S100A2: variants seen among roughly 807,000 people sequenced by gnomAD.
S100A2 encodes S100 calcium binding protein A2.
In S100A2, 5 loss-of-function variants were observed where a neutral mutation model predicts 4.3. The observed-to-expected ratio is 1.16, with a 90% CI of 0.61 to 2.44. The LOEUF is 2.44. Among genes scored for constraint, S100A2 ranks in the 30% most tolerant of loss-of-function variants. S100A2 has a pLI of 0.01. For missense variants in S100A2, 103 were observed against 114.7 expected (o/e 0.90, Z 0.47); for synonymous variants, 44 against 46.0 (o/e 0.96, Z 0.17).
At position 153,563,674 on chromosome 1, in the gene S100A2, G is replaced by A; in HGVS notation, c.144+60C>T. 12 of 1,592,632 alleles carry A rather than the reference G, an allele frequency of 7.5e-6. No homozygotes were observed. The South Asian group carries it at 8.0e-5, about 11-fold the overall frequency. ...GACAGGCACCCGGAACTGGGGGAGAGATTTAACCTGCACCCCCACACTCAC... is the reference window on the plus strand; with the variant it reads ...GACAGGCACCCGGAACTGGGGGAGAAATTTAACCTGCACCCCCACACTCAC... On this transcript the variant is annotated intron_variant, in intron 2 of 2. Coordinates refer to ENST00000368708, the MANE Select transcript of S100A2 (RefSeq NM_005978.4).
At chr1:153,561,919 G>A (rs994022697) in intron 2 of S100A2, among the ~76,000 whole-genome samples, 3 of 152,228 alleles carry the variant, frequency 2.0e-5, no homozygotes, top group East Asian at 1.9e-4. Context: ...TGAGGAAACC[G>A]AAGGTTGCTG....
intron 2 of S100A2, among the ~76,000 whole-genome samples, chr1:153,563,112 A>G (rs1461793321): frequency 6.9e-6 from 1 of 144,454 alleles, no homozygotes; most frequent in Non-Finnish European, 1.6e-5. Flanking sequence ...CGTCTCTACT[A>G]AAAATACAAA....
chr1:153,563,233 G>A (rs899635889), intron 2 of S100A2, among the ~76,000 whole-genome samples: 4 of 152,048 alleles, frequency 2.6e-5, no homozygotes, highest in African/African-American at 7.2e-5. Context: ...TTAGCTGGGC[G>A]TAGTGGGATG....
At chr1:153,563,921 A>G in intron 1 of S100A2, 34 bp from the exon 2 acceptor site, 2 of 1,599,662 alleles carry the variant, frequency 1.3e-6, no homozygotes, top group East Asian at 4.5e-5. Context: ...TACACTGCTG[A>G]GGCTCTTGGG....
At chr1:153,564,657 A>G (rs1182398533) in intron 1 of S100A2, among the ~76,000 whole-genome samples, 1 of 152,064 alleles carries the variant, frequency 6.6e-6, no homozygotes, top group South Asian at 2.1e-4. Context: ...TACTCAGACC[A>G]GCCTGGAAAG....
In S100A2 at chr1:153,563,827, G is replaced by C; in HGVS notation, c.51C>G (p.Phe17Leu). The change falls in exon 2 of 3, where the codon TTC becomes TTG. Residue 17 changes from phenylalanine to leucine, a missense_variant. Phe to Leu is a conservative substitution (Grantham distance 22). Transcript: ENST00000368708. ...EQALAVLVTTFHKYSCQEGDK... is the reference protein window; with the variant it reads ...EQALAVLVTTLHKYSCQEGDK... Reference sequence around the variant, plus strand: ...CGCCCTCTTGGCAGGAGTACTTGTGGAAGGTAGTGACCAGCACAGCCAGCG... The same window carrying C: ...CGCCCTCTTGGCAGGAGTACTTGTGCAAGGTAGTGACCAGCACAGCCAGCG... 2 of 1,614,212 alleles carry C rather than the reference G, an allele frequency of 1.2e-6. No individual in the cohort carries two copies. The highest frequency in any genetic ancestry group is 1.7e-6 in the Non-Finnish European group (2 of 1,180,016).
intron 1 of S100A2, among the ~76,000 whole-genome samples, chr1:153,564,620 A>G (rs1665968076): frequency 6.6e-6 from 1 of 152,170 alleles, no homozygotes; most frequent in African/African-American, 2.4e-5. Context: ...AGGATGGGAC[A>G]GACCTCAGCG....
intron 2 of S100A2, 116 bp from the exon 3 acceptor site, chr1:153,561,707 C>T: frequency 6.7e-7 from 1 of 1,484,510 alleles, no homozygotes; most frequent in South Asian, 1.1e-5. Flanking sequence ...CACTGGGCAG[C>T]TGGGTATAAG....
chr1:153,563,685 C>T, intron 2 of S100A2, 49 bp downstream of exon 2: 1 of 1,595,314 alleles, frequency 6.3e-7, no homozygotes, highest in Non-Finnish European at 8.6e-7. Context: ...ATTTAACCTG[C>T]ACCCCCACAC....
chr1:153,563,833 AGTGAC>A lies in S100A2; in HGVS notation c.40_44del (p.Val14TyrfsTer17). The A allele has an allele frequency of 6.2e-7, 1 of 1,614,190 alleles. No individual in the cohort carries two copies. Among genetic ancestry groups the A allele is most frequent in the Non-Finnish European group, 8.5e-7 (1 of 1,180,012 alleles). ...CTTGGCAGGAGTACTTGTGGAAGGT[AGTGAC>A]CAGCACAGCCAGCGCCTGCTCCAGA... On this transcript the variant is annotated frameshift_variant, in exon 2 of 3. Transcript: ENST00000368708. LOFTEE classifies it high-confidence loss of function.
intron 2 of S100A2, among the ~76,000 whole-genome samples, chr1:153,562,964 C>G (rs1231017154): frequency 7.7e-6 from 1 of 129,844 alleles, no homozygotes; most frequent in South Asian, 2.4e-4. Flanking sequence ...CTTGTCCCCC[C>G]ACCACAAAAA....
At chr1:153,563,404 A>T in intron 2 of S100A2, 21 of 1,537,300 alleles carry the variant, frequency 1.4e-5, no homozygotes, top group Non-Finnish European at 1.8e-5. Flanking sequence ...AAAGAGAGAG[A>T]GAGAACGTGC....
At chr1:153,563,534 A>G in intron 2 of S100A2, 200 bp downstream of exon 2, 1 of 1,551,086 alleles carries the variant, frequency 6.4e-7, no homozygotes, top group Non-Finnish European at 8.7e-7. Context: ...GTTCTCTGGA[A>G]TGCTGCAGGA....
chr1:153,565,179 G>C (rs1004693395), intron 1 of S100A2, among the ~76,000 whole-genome samples: 3 of 151,974 alleles, frequency 2.0e-5, no homozygotes, highest in Non-Finnish European at 4.4e-5. Flanking sequence ...GGGCATGGTG[G>C]TGGGCGCCTG....
intron 2 of S100A2, chr1:153,563,532 G>A (rs1170906899): frequency 1.3e-6 from 2 of 1,551,072 alleles, no homozygotes; most frequent in South Asian, 2.4e-5. Context: ...TGGTTCTCTG[G>A]AATGCTGCAG....
Position 153,561,304 on chromosome 1 carries a change from C to T in S100A2, c.*135G>A, listed in dbSNP as rs1665888921. 8.9e-7 allele frequency: 1 copy of T among 1,123,408 alleles called. No homozygotes were observed. Among genetic ancestry groups the T allele is most frequent in the Non-Finnish European group, 1.3e-6 (1 of 786,454 alleles). 69.6% of individuals were successfully genotyped at this position (1,123,408 alleles called of 1,614,324 possible). A position where few individuals can be genotyped will look rare whatever the true frequency, so the allele number is the denominator to read the frequency against. On this transcript the variant is annotated 3_prime_UTR_variant, in exon 3 of 3. Transcript: ENST00000368708. ...CTCATCTCCCAGCACTCCAGCTGAG[C>T]CAGCCGGGTTATGGAACATCACTGA...
chr1:153,561,297 A>G lies in S100A2; in HGVS notation c.*142T>C. On this transcript the variant is annotated 3_prime_UTR_variant, in exon 3 of 3. Transcript: ENST00000368708. ...GGAGGCCCTCATCTCCCAGCACTCC[A>G]GCTGAGCCAGCCGGGTTATGGAACA... 4.8e-6 allele frequency: 5 copies of G among 1,040,106 alleles called. No individual in the cohort carries two copies. The highest frequency in any genetic ancestry group is 1.6e-5 in the South Asian group (1 of 60,876). The allele number at this position is 1,040,106 out of a possible 1,614,324, so 64.4% of individuals were successfully genotyped here. A position where few individuals can be genotyped will look rare whatever the true frequency, so the allele number is the denominator to read the frequency against.
chr1:153,562,175 G>A (rs1665908766), intron 2 of S100A2, among the ~76,000 whole-genome samples: 1 of 152,096 alleles, frequency 6.6e-6, no homozygotes, highest in African/African-American at 2.4e-5. Context: ...TGCCTAGGCT[G>A]GTCTTGGCAA....
chr1:153,563,142 G>A (rs1052242734), intron 2 of S100A2, among the ~76,000 whole-genome samples: 1 of 151,934 alleles, frequency 6.6e-6, no homozygotes, highest in African/African-American at 2.4e-5. Context: ...GGGAAGCCGA[G>A]GCAGGTAGAT....
Sources: allele counts gnomAD v4.1 joint callset (sites outside exome capture counted in the v4.1 genomes callset), GRCh38; gene constraint gnomAD v4.1.1; transcripts MANE v1.5; gene names NCBI Gene and HGNC (gene_info 2026-07-23, HGNC 2026-07-21).